NDUFS1: variants seen among roughly 807,000 people sequenced by gnomAD.
NDUFS1 encodes NADH:ubiquinone oxidoreductase core subunit S1.
A neutral mutation model predicts 84.4 loss-of-function variants in NDUFS1; 61 were observed. The ratio of observed to expected loss-of-function variants is 0.72; its 90% CI spans 0.59 to 0.89. NDUFS1 has a LOEUF of 0.89. Ranked by LOEUF, NDUFS1 falls within the 40% of genes least tolerant of loss-of-function variation. The pLI is 0.00. For synonymous variants in NDUFS1, 275 were observed against 290.0 expected, an observed-to-expected ratio of 0.95 and a Z score of 0.53; for missense variants, 891 against 890.0, an observed-to-expected ratio of 1.00 and a Z score of -0.01.
In NDUFS1 at chr2:206,117,040, A is replaced by C. The variant is rs1465571713; in HGVS notation, c.*7145T>G. On this transcript the variant is annotated 3_prime_UTR_variant, in exon 19 of 19. Coordinates refer to ENST00000233190, the MANE Select transcript of NDUFS1 (RefSeq NM_005006.7). Reference sequence around the variant, plus strand: ...TCTCAGAAAAAAAAAATAAATAAATAAAAATTAGTGGGGCATGGTGGCTCA... The same window carrying C: ...TCTCAGAAAAAAAAAATAAATAAATCAAAATTAGTGGGGCATGGTGGCTCA... The C allele has an allele frequency of 1.3e-5, 2 of 152,200 alleles. No homozygotes were observed. Among genetic ancestry groups the C allele is most frequent in the Non-Finnish European group, 2.9e-5 (2 of 68,118 alleles). The allele number at this position is 152,200 out of a possible 1,614,324, so 9.4% of individuals were successfully genotyped here. A position where few individuals can be genotyped will look rare whatever the true frequency, so the allele number is the denominator to read the frequency against.
chr2:206,134,200 GA>G (rs1691620461), intron 13 of NDUFS1, among the ~76,000 whole-genome samples: 1 of 151,908 alleles, frequency 6.6e-6, no homozygotes. Flanking sequence ...CAAAGACAAT[GA>G]AAAATAACAC....
At position 206,120,362 on chromosome 2, in the gene NDUFS1, G is replaced by A. The variant is rs542414884; in HGVS notation, c.*3823C>T. On this transcript the variant is annotated 3_prime_UTR_variant, in exon 19 of 19. Transcript: ENST00000233190. ...AGGTTGGAAGAATCTGGAGGGCTCAGAAGACAGAAAGATGAGGGAAAGTTT... is the reference window on the plus strand; with the variant it reads ...AGGTTGGAAGAATCTGGAGGGCTCAAAAGACAGAAAGATGAGGGAAAGTTT... The A allele has an allele frequency of 6.6e-6, 1 of 152,246 alleles. No homozygotes were observed. Among genetic ancestry groups the A allele is most frequent in the Non-Finnish European group, 1.5e-5 (1 of 68,074 alleles). The allele number at this position is 152,246 out of a possible 1,614,324, so 9.4% of individuals were successfully genotyped here. A position where few individuals can be genotyped will look rare whatever the true frequency, so the allele number is the denominator to read the frequency against.
At chr2:206,148,170 C>T (rs555244286) in intron 5 of NDUFS1, among the ~76,000 whole-genome samples, 1 of 152,196 alleles carries the variant, frequency 6.6e-6, no homozygotes, top group East Asian at 1.9e-4. Context: ...AGTGATCCTC[C>T]CGCCCTGGCG....
intron 5 of NDUFS1, 48 bp from the exon 6 acceptor site, chr2:206,147,882 C>G: frequency 6.7e-7 from 1 of 1,489,038 alleles, no homozygotes; most frequent in Non-Finnish European, 9.4e-7. Flanking sequence ...TACACACACA[C>G]TGACATTAAC....
intron 13 of NDUFS1, among the ~76,000 whole-genome samples, chr2:206,137,341 G>A (rs1015753174): frequency 1.3e-5 from 2 of 152,124 alleles, no homozygotes; most frequent in African/African-American, 4.8e-5. Flanking sequence ...AGGTGTGGTG[G>A]TGCGTGCCTG....
chr2:206,155,744 G>A (rs1010933438), intron 1 of NDUFS1, among the ~76,000 whole-genome samples: 5 of 151,406 alleles, frequency 3.3e-5, no homozygotes, highest in African/African-American at 7.3e-5. Context: ...AGTAGAGATG[G>A]GGTTTCGCCA....
chr2:206,152,703 C>CTTTTT (rs71034411), intron 2 of NDUFS1, among the ~76,000 whole-genome samples, 193 bp from the exon 3 acceptor site: 2 of 121,286 alleles, frequency 1.6e-5, no homozygotes, highest in African/African-American at 3.2e-5. Flanking sequence ...CTTTCTTCTT[C>CTTTTT]TTTTTTTTTT....
At chr2:206,159,233 G>A (rs1018693194) in intron 1 of NDUFS1, 108 bp downstream of exon 1, 9 of 1,232,608 alleles carry the variant, frequency 7.3e-6, no homozygotes, top group Admixed American at 5.9e-5. Context: ...GCGGCGCCCA[G>A]TCAAGGACAA....
At chr2:206,131,559 T>C (rs1271352354) in intron 14 of NDUFS1, among the ~76,000 whole-genome samples, 1 of 152,144 alleles carries the variant, frequency 6.6e-6, no homozygotes, top group East Asian at 1.9e-4. Context: ...CCCAGCACTT[T>C]GGGAGGCCGA....
At chr2:206,131,510 A>G (rs190265308) in intron 14 of NDUFS1, among the ~76,000 whole-genome samples, 284 of 152,314 alleles carry the variant, frequency 1.9e-3, no homozygotes, top group African/African-American at 6.6e-3. Context: ...ACTAAAAAAT[A>G]TTACACAGCT....
At chr2:206,148,529 A>G (rs1418377183) in intron 5 of NDUFS1, among the ~76,000 whole-genome samples, 1 of 152,122 alleles carries the variant, frequency 6.6e-6, no homozygotes, top group Non-Finnish European at 1.5e-5. Flanking sequence ...TCACGTCTGT[A>G]ATCCCAGAAC....
chr2:206,137,328 G>T (rs952985423), intron 13 of NDUFS1, among the ~76,000 whole-genome samples: 2 of 152,034 alleles, frequency 1.3e-5, no homozygotes, highest in Non-Finnish European at 2.9e-5. Context: ...ACAAAAATTA[G>T]CCAGGTGTGG....
In NDUFS1 at chr2:206,149,334, T is replaced by C. The variant is rs143866927; in HGVS notation, c.262-238A>G. Reference sequence around the variant, plus strand: ...ATCCTGGTTTTTAGGTTTATTCTAATAGTCAATGCAATTTTTTATTCTGCT... The same window carrying C: ...ATCCTGGTTTTTAGGTTTATTCTAACAGTCAATGCAATTTTTTATTCTGCT... On this transcript the variant is annotated intron_variant, in intron 4 of 18. Coordinates refer to ENST00000233190, the MANE Select transcript of NDUFS1 (RefSeq NM_005006.7). Among the ~76,000 whole-genome samples, 70 of 152,340 alleles carry C rather than the reference T, an allele frequency of 4.6e-4. No individual in the cohort carries two copies. The East Asian group carries it at 0.013, about 29-fold the overall frequency.
At position 206,159,386 on chromosome 2, in the gene NDUFS1, C is replaced by G; in HGVS notation, c.-50G>C. On this transcript the variant is annotated 5_prime_UTR_variant, in exon 1 of 19. Coordinates refer to ENST00000233190, the MANE Select transcript of NDUFS1 (RefSeq NM_005006.7). The stretch of plus-strand genomic sequence containing the variant: ...GGCTGTTCTGCTAAACTGTCTGGAC[C>G]ACGACGACCCCCTAGGAGGCCGGGT... 3.7e-6 allele frequency: 2 copies of G among 543,810 alleles called. No homozygotes were observed. The highest frequency in any genetic ancestry group is 6.6e-6 in the Non-Finnish European group (2 of 303,916). 33.7% of individuals were successfully genotyped at this position (543,810 alleles called of 1,614,324 possible). A position where few individuals can be genotyped will look rare whatever the true frequency, so the allele number is the denominator to read the frequency against.
chr2:206,126,960 G>A lies in NDUFS1; in HGVS notation c.1885-116C>T, dbSNP rs150739509. On this transcript the variant is annotated intron_variant, in intron 16 of 18. Transcript: ENST00000233190. ...CAGCACTACTGAAAAACCTATTGGTGTCCATTAGTAGACATACATTTATGA... is the reference window on the plus strand; with the variant it reads ...CAGCACTACTGAAAAACCTATTGGTATCCATTAGTAGACATACATTTATGA... 8,169 of 1,249,996 alleles carry A rather than the reference G, an allele frequency of 6.5e-3. 34 individuals are homozygous for A. The highest frequency in any genetic ancestry group is 7.1e-3 in the Non-Finnish European group (6,248 of 874,374). 77.4% of individuals were successfully genotyped at this position (1,249,996 alleles called of 1,614,324 possible).
At chr2:206,148,313 T>G (rs771307411) in intron 5 of NDUFS1, among the ~76,000 whole-genome samples, 8 of 152,104 alleles carry the variant, frequency 5.3e-5, no homozygotes, top group Non-Finnish European at 1.2e-4. Flanking sequence ...AAATGCCAAT[T>G]ATCTATCATT....
Position 206,122,504 on chromosome 2 carries a change from T to A in NDUFS1, c.*1681A>T, listed in dbSNP as rs1043350864. Reference sequence around the variant, plus strand: ...ATTAGCCAGGTGTGGTGGCGTGCGCTTGTAATCCCAGCTACCGGGGAGGCT... The same window carrying A: ...ATTAGCCAGGTGTGGTGGCGTGCGCATGTAATCCCAGCTACCGGGGAGGCT... On this transcript the variant is annotated 3_prime_UTR_variant, in exon 19 of 19. Coordinates refer to ENST00000233190, the MANE Select transcript of NDUFS1 (RefSeq NM_005006.7). 2.6e-5 allele frequency: 4 copies of A among 151,176 alleles called. No homozygotes were observed. The highest frequency in any genetic ancestry group is 1.3e-4 in the Admixed American group (2 of 15,126). The allele number at this position is 151,176 out of a possible 1,614,324, so 9.4% of individuals were successfully genotyped here.
chr2:206,132,467 GC>G (rs1691550873), intron 14 of NDUFS1, among the ~76,000 whole-genome samples: 1 of 152,114 alleles, frequency 6.6e-6, no homozygotes, highest in African/African-American at 2.4e-5. Context: ...TGTAGCTTCA[GC>G]CATTTAATAC....
chr2:206,154,450 A>G (rs1178766846), intron 1 of NDUFS1, among the ~76,000 whole-genome samples: 1 of 152,210 alleles, frequency 6.6e-6, no homozygotes, highest in Non-Finnish European at 1.5e-5. Context: ...TCTACAATGT[A>G]CAGGACAGTC....
Sources: allele counts gnomAD v4.1 joint callset (sites outside exome capture counted in the v4.1 genomes callset), GRCh38; gene constraint gnomAD v4.1.1; transcripts MANE v1.5; gene names NCBI Gene and HGNC (gene_info 2026-07-23, HGNC 2026-07-21).